Variants in SPAG9 observed in about 807,000 individuals in gnomAD.
The protein encoded by SPAG9 is C-Jun-amino-terminal kinase-interacting protein 4.
Under a neutral mutation model 166.5 loss-of-function variants are expected in SPAG9, and 35 were observed. The observed-to-expected ratio is 0.21, with a 90% CI of 0.16 to 0.28. The LOEUF (loss-of-function observed/expected upper bound fraction) is 0.28. Ranked by LOEUF, SPAG9 falls within the 10% of genes least tolerant of loss-of-function variation. The pLI is 1.00. For synonymous variants in SPAG9, 534 were observed against 565.5 expected (o/e 0.94, Z 0.79); for missense variants, 1,235 against 1,603.3 (o/e 0.77, Z 3.92).
intron 3 of SPAG9, among the ~76,000 whole-genome samples, chr17:51,053,849 AAAAAAGTATATATATAT>A (rs1239678685): frequency 1.2e-3 from 84 of 69,718 alleles, no homozygotes; most frequent in African/African-American, 6.0e-3. Context: ...AAAAAAAAAA[AAAAAAGTATATATATAT>A]ATATATATAT....
At chr17:50,976,134 T>C (rs1974190806) in intron 27 of SPAG9, among the ~76,000 whole-genome samples, 1 of 152,134 alleles carries the variant, frequency 6.6e-6, no homozygotes, top group African/African-American at 2.4e-5. Context: ...GTGTTTTTTT[T>C]TTAAATAATA....
intron 19 of SPAG9, among the ~76,000 whole-genome samples, chr17:50,990,941 T>C (rs1975494985): frequency 6.7e-6 from 1 of 150,028 alleles, no homozygotes; most frequent in Non-Finnish European, 1.5e-5. Context: ...AGAGTCTTAC[T>C]CTGTCGCCCA....
chr17:50,995,305 T>A, intron 17 of SPAG9, 81 bp from the exon 18 acceptor site: 1 of 1,358,734 alleles, frequency 7.4e-7, no homozygotes, highest in Non-Finnish European at 1.0e-6. Context: ...CTAATGGTTG[T>A]AAATACAGGT....
chr17:51,103,904 T>C (rs1338317406), intron 1 of SPAG9, among the ~76,000 whole-genome samples: 1 of 152,166 alleles, frequency 6.6e-6, no homozygotes. Context: ...TACTGGGATA[T>C]AGTGGTGAAT....
chr17:51,041,418 T>C (rs912648242), intron 5 of SPAG9, 83 bp downstream of exon 5: 6 of 1,298,850 alleles, frequency 4.6e-6, no homozygotes, highest in African/African-American at 3.0e-5. Context: ...CATTTTACTA[T>C]ACTGTGGTCG....
At chr17:50,985,943 T>G (rs1975017246) in intron 22 of SPAG9, among the ~76,000 whole-genome samples, 165 bp from the exon 23 acceptor site, 1 of 151,960 alleles carries the variant, frequency 6.6e-6, no homozygotes, top group South Asian at 2.1e-4. Flanking sequence ...AAAATGAGAG[T>G]GAGGGTAGGC....
At chr17:51,072,584 G>A (rs2047852337) in intron 2 of SPAG9, among the ~76,000 whole-genome samples, 1 of 151,810 alleles carries the variant, frequency 6.6e-6, no homozygotes, top group South Asian at 2.1e-4. Flanking sequence ...TCAAGAGGCT[G>A]AGGCAGAAAG....
intron 8 of SPAG9, 34 bp downstream of exon 8, chr17:51,020,125 C>G (rs1433464033): frequency 7.6e-7 from 1 of 1,310,800 alleles, no homozygotes; most frequent in South Asian, 1.2e-5. Context: ...GGGTGGGGGG[C>G]GCAGAATATG....
intron 2 of SPAG9, among the ~76,000 whole-genome samples, chr17:51,066,533 C>T (rs1364612984): frequency 1.1e-4 from 13 of 118,112 alleles, no homozygotes; most frequent in Non-Finnish European, 1.1e-4. Flanking sequence ...CCAGGCTGGG[C>T]GACAGAGTGA....
intron 19 of SPAG9, among the ~76,000 whole-genome samples, chr17:50,991,122 G>T (rs1339859959): frequency 6.6e-6 from 1 of 151,680 alleles, no homozygotes; most frequent in Non-Finnish European, 1.5e-5. Flanking sequence ...GGTCAGGCTG[G>T]TCTTGAACTC....
chr17:50,963,953 T>C lies in SPAG9; in HGVS notation c.*2319A>G, dbSNP rs1973229282. The C allele has an allele frequency of 6.6e-6, 1 of 152,236 alleles. No individual in the cohort carries two copies. Among genetic ancestry groups the C allele is most frequent in the Non-Finnish European group, 1.5e-5 (1 of 68,042 alleles). The allele number at this position is 152,236 out of a possible 1,614,324, so 9.4% of individuals were successfully genotyped here. On this transcript the variant is annotated 3_prime_UTR_variant, in exon 30 of 30. Coordinates refer to ENST00000262013, the MANE Select transcript of SPAG9 (RefSeq NM_001130528.3). ...AAAAATTATTCTTTTAATACAGCTT[T>C]TACCAAAACAGTTTTAATACATGAG...
chr17:51,085,857 T>C (rs1598153637), intron 1 of SPAG9, among the ~76,000 whole-genome samples: 1 of 151,946 alleles, frequency 6.6e-6, no homozygotes, highest in East Asian at 1.9e-4. Context: ...CATTTATCAG[T>C]GCATCTTCAA....
At chr17:51,023,728 A>C (rs898990131) in intron 6 of SPAG9, among the ~76,000 whole-genome samples, 1 of 152,106 alleles carries the variant, frequency 6.6e-6, no homozygotes, top group Non-Finnish European at 1.5e-5. Context: ...GCAGTGGCAT[A>C]ATCTCAGCTC....
intron 29 of SPAG9, among the ~76,000 whole-genome samples, chr17:50,967,047 G>A (rs1224825903): frequency 1.3e-5 from 2 of 152,190 alleles, no homozygotes; most frequent in African/African-American, 2.4e-5. Flanking sequence ...AGGTTCTTCT[G>A]CATCACGGCT....
chr17:51,047,792 T>C (rs1190135224), intron 3 of SPAG9, among the ~76,000 whole-genome samples: 1 of 151,184 alleles, frequency 6.6e-6, no homozygotes, highest in Non-Finnish European at 1.5e-5. Flanking sequence ...AAACAGACAC[T>C]GGGAAAGAAG....
intron 8 of SPAG9, among the ~76,000 whole-genome samples, chr17:51,019,680 C>T (rs2045857400): frequency 6.6e-6 from 1 of 152,104 alleles, no homozygotes; most frequent in Non-Finnish European, 1.5e-5. Context: ...TGGAGAAACC[C>T]CGTCTCTACT....
intron 1 of SPAG9, among the ~76,000 whole-genome samples, chr17:51,111,528 T>G (rs1010366639): frequency 6.6e-6 from 1 of 152,188 alleles, no homozygotes; most frequent in African/African-American, 2.4e-5. Context: ...CAGTGAATAG[T>G]CAATCTACTA....
Position 51,055,309 on chromosome 17 carries a change from C to T in SPAG9, c.495+1103G>A, listed in dbSNP as rs900526289. On this transcript the variant is annotated intron_variant, in intron 3 of 29. Transcript: ENST00000262013. Reference sequence around the variant, plus strand: ...TGGAGGTTGCAGTGAGCCGAGATTGCGCCACTGCACTACAGCTTGGGCAAC... The same window carrying T: ...TGGAGGTTGCAGTGAGCCGAGATTGTGCCACTGCACTACAGCTTGGGCAAC... 5.3e-5 allele frequency among the ~76,000 whole-genome samples: 8 copies of T among 151,994 alleles called. 1 individual carries two copies. The highest frequency in any genetic ancestry group is 4.1e-4 in the South Asian group (2 of 4,822).
intron 18 of SPAG9, among the ~76,000 whole-genome samples, chr17:50,994,174 T>C (rs183763211): frequency 2.6e-5 from 4 of 152,268 alleles, no homozygotes; most frequent in African/African-American, 9.6e-5. Context: ...AATTTAATCA[T>C]GGGGGCCAGT....
Sources: gnomAD v4.1 joint callset for allele counts (sites outside exome capture counted in the v4.1 genomes callset) on GRCh38, gnomAD v4.1.1 for gene constraint, MANE v1.5 for transcripts, NCBI Gene and HGNC (gene_info 2026-07-23, HGNC 2026-07-21) for gene names.